YIPF1: variants seen among roughly 807,000 people sequenced by gnomAD.
YIPF1 encodes the protein protein YIPF1.
A neutral mutation model predicts 37.0 loss-of-function variants in YIPF1; 22 were observed. The ratio of observed to expected loss-of-function variants is 0.59; its 90% CI spans 0.42 to 0.85. YIPF1 has a LOEUF of 0.85. YIPF1 is among the 40% of genes least tolerant of loss of function. YIPF1 has a pLI of 0.00. For synonymous variants in YIPF1, 128 were observed against 131.9 expected, an observed-to-expected ratio of 0.97 and a Z score of 0.21; for missense variants, 355 against 373.1, an observed-to-expected ratio of 0.95 and a Z score of 0.40.
chr1:53,865,053 A>G (rs974622527), intron 9 of YIPF1, among the ~76,000 whole-genome samples: 1 of 152,196 alleles, frequency 6.6e-6, no homozygotes, highest in Non-Finnish European at 1.5e-5. Flanking sequence ...CTCCCTAAAA[A>G]GACACCTACA....
chr1:53,867,518 G>A (rs939883906), intron 7 of YIPF1, among the ~76,000 whole-genome samples: 6 of 151,776 alleles, frequency 4.0e-5, no homozygotes, highest in East Asian at 1.9e-4. Flanking sequence ...GACTACAGGC[G>A]CCCGCCACCA....
intron 6 of YIPF1, among the ~76,000 whole-genome samples, chr1:53,876,970 G>A (rs1274353604): frequency 2.0e-5 from 3 of 152,188 alleles, no homozygotes; most frequent in Admixed American, 2.0e-4. Flanking sequence ...CTAAAATAGT[G>A]CTTATCTCCA....
chr1:53,866,534 A>C, intron 8 of YIPF1, 152 bp from the exon 9 acceptor site: 4 of 966,096 alleles, frequency 4.1e-6, no homozygotes, highest in Non-Finnish European at 6.1e-6. Context: ...CACCACCAGC[A>C]TGTAGACTGA....
chr1:53,871,300 G>T, intron 7 of YIPF1, 72 bp downstream of exon 7: 1 of 1,346,828 alleles, frequency 7.4e-7, no homozygotes, highest in Non-Finnish European at 1.1e-6. Flanking sequence ...TGGGGCCCAG[G>T]AGCTCAGTGG....
chr1:53,883,902 G>C (rs1046881247), intron 3 of YIPF1, among the ~76,000 whole-genome samples: 1 of 152,106 alleles, frequency 6.6e-6, no homozygotes, highest in Non-Finnish European at 1.5e-5. Context: ...CGGGTGTAGT[G>C]GCACATGCCT....
chr1:53,883,875 A>G lies in YIPF1; in HGVS notation c.32-599T>C, dbSNP rs576842031. On this transcript the variant is annotated intron_variant, in intron 3 of 10. Transcript: ENST00000072644. ...ACATGGTGAAATGCTGTCTCTACTA[A>G]AAATACAAAAATTAGCCGGGTGTAG... 2.6e-5 allele frequency among the ~76,000 whole-genome samples: 4 copies of G among 152,146 alleles called. No homozygotes were observed. In the East Asian group the frequency reaches 7.7e-4, roughly 29 times the overall value.
intron 9 of YIPF1, among the ~76,000 whole-genome samples, chr1:53,861,633 C>A (rs1464993144): frequency 2.4e-5 from 3 of 124,816 alleles, no homozygotes; most frequent in Non-Finnish European, 4.8e-5. Context: ...AGAGAGAAGG[C>A]AGGCAGGGAA....
At chr1:53,862,113 G>A (rs753436676) in intron 9 of YIPF1, among the ~76,000 whole-genome samples, 4 of 152,154 alleles carry the variant, frequency 2.6e-5, no homozygotes, top group Admixed American at 1.3e-4. Flanking sequence ...CCATCATTTG[G>A]GGAATGCCTA....
chr1:53,863,823 TCCA>T lies in YIPF1; in HGVS notation c.831+2374_831+2376del, dbSNP rs575787932. On this transcript the variant is annotated intron_variant, in intron 9 of 10. Coordinates refer to ENST00000072644, the MANE Select transcript of YIPF1 (RefSeq NM_018982.5). ...GGCGCAATCTCAGTTCCCTGCAACC[TCCA>T]CCTCCTAGGCTCAAGCGATTCTCAC... 3.0e-3 allele frequency among the ~76,000 whole-genome samples: 462 copies of T among 152,276 alleles called. 2 individuals carry two copies. Among genetic ancestry groups the T allele is most frequent in the South Asian group, 0.013 (61 of 4,820 alleles).
chr1:53,882,602 T>A (rs1209821259), intron 4 of YIPF1, among the ~76,000 whole-genome samples: 1 of 152,080 alleles, frequency 6.6e-6, no homozygotes, highest in Non-Finnish European at 1.5e-5. Context: ...GGGCTACAGG[T>A]GTCCACCACC....
In YIPF1 at chr1:53,856,222, G is replaced by A. The variant is rs536186079; in HGVS notation, c.*8+3834C>T. Among the ~76,000 whole-genome samples, 24 of 152,354 alleles carry A rather than the reference G, an allele frequency of 1.6e-4. 1 individual carries two copies. The South Asian group carries it at 4.6e-3, about 29-fold the overall frequency. On this transcript the variant is annotated intron_variant, in intron 10 of 10. Transcript: ENST00000072644. ...AGTTCATAGATCTGAGCAAAGCGCA[G>A]AGGCGTCAAATCTGTGTACACCAGT...
intron 4 of YIPF1, among the ~76,000 whole-genome samples, chr1:53,879,196 A>C (rs919126423): frequency 2.0e-5 from 3 of 151,966 alleles, no homozygotes; most frequent in African/African-American, 7.3e-5. Flanking sequence ...CTGGGCTCAA[A>C]CAATCTTCCC....
intron 9 of YIPF1, among the ~76,000 whole-genome samples, chr1:53,861,201 T>C (rs1299018562): frequency 6.6e-6 from 1 of 152,180 alleles, no homozygotes; most frequent in Non-Finnish European, 1.5e-5. Context: ...AAAGCAACTC[T>C]ATTACTTTTA....
At chr1:53,866,559 T>A (rs1650029990) in intron 8 of YIPF1, among the ~76,000 whole-genome samples, 177 bp from the exon 9 acceptor site, 1 of 152,132 alleles carries the variant, frequency 6.6e-6, no homozygotes, top group Non-Finnish European at 1.5e-5. Context: ...TATGCTTTTA[T>A]AACAAAGGGC....
chr1:53,875,584 A>G (rs1440939142), intron 6 of YIPF1, among the ~76,000 whole-genome samples: 1 of 152,224 alleles, frequency 6.6e-6, no homozygotes, highest in Non-Finnish European at 1.5e-5. Flanking sequence ...AGCAAATGCC[A>G]AAGTCCTCAC....
intron 4 of YIPF1, among the ~76,000 whole-genome samples, chr1:53,881,064 A>G (rs1569648505): frequency 6.6e-6 from 1 of 152,054 alleles, no homozygotes; most frequent in African/African-American, 2.4e-5. Context: ...GGAGTTCGAG[A>G]CCAGCCTGGC....
In YIPF1 at chr1:53,884,107, T is replaced by C. The variant is rs1420997435; in HGVS notation, c.32-831A>G. Among the ~76,000 whole-genome samples, 3 of 150,022 alleles carry C rather than the reference T, an allele frequency of 2.0e-5. No homozygotes were observed. The East Asian group carries it at 6.0e-4, about 30-fold the overall frequency. On this transcript the variant is annotated intron_variant, in intron 3 of 10. Transcript: ENST00000072644. ...CTCTTAGGCCAGGCATGGTGGCTCATGTCTATAATTCCAGCACTTTGGGAG... is the reference window on the plus strand; with the variant it reads ...CTCTTAGGCCAGGCATGGTGGCTCACGTCTATAATTCCAGCACTTTGGGAG...
chr1:53,881,195 G>A (rs1449547648), intron 4 of YIPF1, among the ~76,000 whole-genome samples: 6 of 149,382 alleles, frequency 4.0e-5, no homozygotes, highest in South Asian at 2.1e-4. Flanking sequence ...CCCAGGAGGC[G>A]GAGGTTGCAA....
At chr1:53,878,760 C>T in intron 4 of YIPF1, 38 bp from the exon 5 acceptor site, 1 of 1,569,498 alleles carries the variant, frequency 6.4e-7, no homozygotes, top group Non-Finnish European at 8.6e-7. Context: ...AACACATAAG[C>T]AATTTCTTAA....
Sources: allele counts gnomAD v4.1 joint callset (sites outside exome capture counted in the v4.1 genomes callset), GRCh38; gene constraint gnomAD v4.1.1; transcripts MANE v1.5; gene names NCBI Gene and HGNC (gene_info 2026-07-23, HGNC 2026-07-21).